PCDHA4: variants seen among roughly 807,000 people sequenced by gnomAD.
PCDHA4 encodes protocadherin alpha 4.
PCDHA4 carries 49 observed loss-of-function variants against 61.4 expected under a neutral mutation model. That is an observed-to-expected ratio of 0.80 (90% CI 0.63 to 1.01). The LOEUF (loss-of-function observed/expected upper bound fraction) is 1.01, where lower values mean the gene tolerates loss of function less well. Ranked by LOEUF, PCDHA4 falls within the 50% of genes least tolerant of loss-of-function variation. The probability of loss-of-function intolerance (pLI) is 0.00; values close to 1 mark genes in which losing one functional copy is unlikely to be tolerated. For missense variants in PCDHA4, 1,254 were observed against 1,235.8 expected, an observed-to-expected ratio of 1.01 and a Z score of -0.22; for synonymous variants, 590 against 550.3, an observed-to-expected ratio of 1.07 and a Z score of -1.01.
At chr5:140,855,487 T>A (rs1554147815) in intron 1 of PCDHA4, among the ~76,000 whole-genome samples, 3 of 149,802 alleles carry the variant, frequency 2.0e-5, no homozygotes, top group Non-Finnish European at 1.5e-5. Flanking sequence ...GACATTAGTG[T>A]CTAAATAAAC....
At position 140,853,431 on chromosome 5, in the gene PCDHA4, T is replaced by C; in HGVS notation, c.2385+43859T>C. 3.0e-6 allele frequency: 3 copies of C among 985,312 alleles called. No homozygotes were observed. In the African/African-American group the frequency reaches 5.3e-5, roughly 17 times the overall value. The allele number at this position is 985,312 out of a possible 1,614,324, so 61.0% of individuals were successfully genotyped here. On this transcript the variant is annotated intron_variant, in intron 1 of 3. Coordinates refer to ENST00000530339, the MANE Select transcript of PCDHA4 (RefSeq NM_018907.4). ...AGAGGTGAAAGCAGAAGAGACACTTTCCTATTTTGCCTAATAGGTCTCCTT... is the reference window on the plus strand; with the variant it reads ...AGAGGTGAAAGCAGAAGAGACACTTCCCTATTTTGCCTAATAGGTCTCCTT...
intron 1 of PCDHA4, chr5:140,875,402 C>A: frequency 6.7e-7 from 1 of 1,488,874 alleles, no homozygotes; most frequent in Admixed American, 2.6e-5. Flanking sequence ...AGGGTGACTG[C>A]TCATAAAATA....
chr5:140,823,976 G>A (rs1247134130), intron 1 of PCDHA4: 1 of 1,614,034 alleles, frequency 6.2e-7, no homozygotes, highest in Non-Finnish European at 8.5e-7. Context: ...TGCACACGGG[G>A]CAAGCCCACT....
chr5:140,929,679 G>T lies in PCDHA4; in HGVS notation c.2386-49270G>T, dbSNP rs142104946. ...ATTTAAAGTGAAGAATGAAAAATAT[G>T]TAAGAGTCTGCTTTATATGAATATA... On this transcript the variant is annotated intron_variant, in intron 1 of 3. Coordinates refer to ENST00000530339, the MANE Select transcript of PCDHA4 (RefSeq NM_018907.4). 2.7e-3 allele frequency: 822 copies of T among 303,170 alleles called. 4 individuals are homozygous for T. Among genetic ancestry groups the T allele is most frequent in the African/African-American group, 0.017 (768 of 46,460 alleles). The allele number at this position is 303,170 out of a possible 1,614,324, so 18.8% of individuals were successfully genotyped here. A position where few individuals can be genotyped will look rare whatever the true frequency, so the allele number is the denominator to read the frequency against.
intron 1 of PCDHA4, chr5:140,823,947 G>T (rs2150130652): frequency 1.7e-5 from 28 of 1,613,980 alleles, no homozygotes; most frequent in Non-Finnish European, 2.2e-5. Context: ...GGTGCTCGGC[G>T]CAGCCCACCG....
rs116232949 is a variant in PCDHA4, at chr5:140,982,448, G to A, written c.2445-27G>A. The A allele has an allele frequency of 4.0e-3, 6,396 of 1,613,770 alleles. 180 individuals carry two copies. In the African/African-American group the frequency reaches 0.067, roughly 17 times the overall value. ...ATGGGAAAGAATTTATGATCTAACC[G>A]TTATCTGGGTCTGTGTGTTTATTCA... On this transcript the variant is annotated intron_variant, in intron 2 of 3. Coordinates refer to ENST00000530339, the MANE Select transcript of PCDHA4 (RefSeq NM_018907.4).
At position 140,834,409 on chromosome 5, in the gene PCDHA4, C is replaced by G. The variant is rs2150217049; in HGVS notation, c.2385+24837C>G. The stretch of plus-strand genomic sequence containing the variant: ...ATGGTGTGCCCGAATGGATACGACC[C>G]AGGGGGCCGACATCTACTGCTGTTT... On this transcript the variant is annotated intron_variant, in intron 1 of 3. Transcript: ENST00000530339. 4.8e-5 allele frequency: 78 copies of G among 1,610,292 alleles called. 1 individual carries two copies. The highest frequency in any genetic ancestry group is 5.9e-5 in the Non-Finnish European group (70 of 1,177,780).
intron 1 of PCDHA4, chr5:140,883,245 G>A (rs267600403): frequency 6.2e-7 from 1 of 1,613,898 alleles, no homozygotes; most frequent in Non-Finnish European, 8.5e-7. Flanking sequence ...GTTGACAAAG[G>A]AAATATTCCA....
In PCDHA4 at chr5:140,884,360, G is replaced by A. The variant is rs782401694; in HGVS notation, c.2385+74788G>A. On this transcript the variant is annotated intron_variant, in intron 1 of 3. Coordinates refer to ENST00000530339, the MANE Select transcript of PCDHA4 (RefSeq NM_018907.4). ...AGAAGCGGCGCTGGTGGATGTCAAT[G>A]TTTACTTGATCATTGCCATCTGCGC... The A allele has an allele frequency of 3.1e-6, 5 of 1,613,852 alleles. No individual in the cohort carries two copies. The African/African-American group carries it at 4.0e-5, about 13-fold the overall frequency.
chr5:140,985,084 T>A (rs2097135513), intron 3 of PCDHA4, among the ~76,000 whole-genome samples: 1 of 151,986 alleles, frequency 6.6e-6, no homozygotes. Context: ...ACTACAGGCG[T>A]GTGCCACCAA....
At chr5:140,871,123 G>A (rs782312325) in intron 1 of PCDHA4, 51 of 1,613,216 alleles carry the variant, frequency 3.2e-5, no homozygotes, top group African/African-American at 1.3e-5. Context: ...GAGCGGACAG[G>A]CGCCAAAGGC....
rs1281739668 is a variant in PCDHA4, at chr5:140,966,815, C to T, written c.2386-12134C>T. On this transcript the variant is annotated intron_variant, in intron 1 of 3. Transcript: ENST00000530339. The stretch of plus-strand genomic sequence containing the variant: ...TGCGGCGACAGAGCATCCACGGCTC[C>T]GGCGGCCCATGCCCTGGCTGCTGCT... 1.9e-6 allele frequency: 3 copies of T among 1,552,884 alleles called. No individual in the cohort carries two copies. The highest frequency in any genetic ancestry group is 1.7e-6 in the Non-Finnish European group (2 of 1,153,182).
At chr5:140,930,785 A>G (rs1485024316) in intron 1 of PCDHA4, among the ~76,000 whole-genome samples, 1 of 152,248 alleles carries the variant, frequency 6.6e-6, no homozygotes, top group Admixed American at 6.5e-5. Context: ...TTTTCACAAT[A>G]TAATAGAATC....
At chr5:140,989,105 T>A (rs550881823) in intron 3 of PCDHA4, 1 of 152,350 alleles carries the variant, frequency 6.6e-6, no homozygotes, top group Non-Finnish European at 1.5e-5. Context: ...GAAACAACTT[T>A]TGAATATATC....
At chr5:140,972,471 G>A (rs1437633114) in intron 1 of PCDHA4, among the ~76,000 whole-genome samples, 6 of 151,998 alleles carry the variant, frequency 3.9e-5, no homozygotes, top group Non-Finnish European at 8.8e-5. Context: ...TTAAACATCA[G>A]CATTTAACCC....
intron 1 of PCDHA4, chr5:140,969,232 C>A (rs138367129): frequency 1.9e-4 from 314 of 1,614,066 alleles, no homozygotes; most frequent in Non-Finnish European, 2.5e-4. Flanking sequence ...CTTCGGGAGC[C>A]CAAGCAGCAG....
intron 1 of PCDHA4, chr5:140,812,008 T>TG (rs2126633981): frequency 7.9e-5 from 12 of 151,792 alleles, no homozygotes; most frequent in East Asian, 1.9e-4. Flanking sequence ...ACCATTTTTT[T>TG]GTTGGACTTT....
intron 1 of PCDHA4, among the ~76,000 whole-genome samples, chr5:140,915,369 G>GTC (rs2077091836): frequency 6.6e-6 from 1 of 152,160 alleles, no homozygotes; most frequent in Admixed American, 6.5e-5. Context: ...ACCAGTAAGT[G>GTC]TCTCGGCATT....
At chr5:140,936,959 A>C (rs2091230080) in intron 1 of PCDHA4, among the ~76,000 whole-genome samples, 1 of 152,174 alleles carries the variant, frequency 6.6e-6, no homozygotes, top group Non-Finnish European at 1.5e-5. Flanking sequence ...TCTTTATTGA[A>C]TCTATAAAAA....
Sources: gnomAD v4.1 joint callset for allele counts (sites outside exome capture counted in the v4.1 genomes callset) on GRCh38, gnomAD v4.1.1 for gene constraint, MANE v1.5 for transcripts, NCBI Gene and HGNC (gene_info 2026-07-23, HGNC 2026-07-21) for gene names.